The following FAM110B variants were observed in gnomAD, a reference collection of about 807,000 sequenced individuals.
FAM110B encodes family with sequence similarity 110 member B.
A neutral mutation model predicts 20.4 loss-of-function variants in FAM110B; 6 were observed. The observed-to-expected ratio is 0.29, with a 90% CI of 0.16 to 0.58. The LOEUF is 0.58. Among genes scored for constraint, FAM110B ranks in the 20% least tolerant of loss-of-function variants. The probability of loss-of-function intolerance (pLI) is 0.90; values close to 1 mark genes in which losing one functional copy is unlikely to be tolerated. For missense variants in FAM110B, 434 were observed against 498.2 expected, an observed-to-expected ratio of 0.87 and a Z score of 1.23; for synonymous variants, 226 against 214.1, an observed-to-expected ratio of 1.06 and a Z score of -0.49.
At chr8:58,000,131 G>A (rs755095148) in intron 1 of FAM110B, among the ~76,000 whole-genome samples, 1 of 152,172 alleles carries the variant, frequency 6.6e-6, no homozygotes, top group Non-Finnish European at 1.5e-5. Flanking sequence ...GGGCATTGAG[G>A]ATGGCCCATG....
At chr8:58,024,566 G>A (rs1448493963) in intron 1 of FAM110B, among the ~76,000 whole-genome samples, 2 of 152,170 alleles carry the variant, frequency 1.3e-5, no homozygotes, top group East Asian at 3.8e-4. Flanking sequence ...TGCCTAACTT[G>A]ATTTGTCCAA....
chr8:58,061,438 A>G (rs1208177280), intron 2 of FAM110B, among the ~76,000 whole-genome samples: 1 of 152,186 alleles, frequency 6.6e-6, no homozygotes, highest in South Asian at 2.1e-4. Context: ...ATCATATGCT[A>G]TCCCCTATAA....
At chr8:58,037,441 G>T (rs1374260188) in intron 2 of FAM110B, among the ~76,000 whole-genome samples, 1 of 150,290 alleles carries the variant, frequency 6.7e-6, no homozygotes, top group Non-Finnish European at 1.5e-5. Flanking sequence ...TTTGAGACCA[G>T]CTTGGCAACA....
intron 3 of FAM110B, among the ~76,000 whole-genome samples, chr8:58,087,755 A>C (rs1806374644): frequency 1.3e-5 from 2 of 152,196 alleles, no homozygotes; most frequent in African/African-American, 2.4e-5. Context: ...TCTATTTTGC[A>C]TACCAATGTT....
chr8:58,119,600 T>C (rs1807303571), intron 3 of FAM110B, among the ~76,000 whole-genome samples: 1 of 152,214 alleles, frequency 6.6e-6, no homozygotes, highest in Non-Finnish European at 1.5e-5. Context: ...GAAGATCTAA[T>C]ATTCCAAATA....
chr8:57,997,947 C>G (rs1804217434), intron 1 of FAM110B, among the ~76,000 whole-genome samples: 2 of 152,158 alleles, frequency 1.3e-5, no homozygotes, highest in Admixed American at 1.3e-4. Flanking sequence ...TAATATGTAG[C>G]AAGGTGTGTG....
intron 3 of FAM110B, among the ~76,000 whole-genome samples, chr8:58,090,185 A>T (rs1339991881): frequency 6.6e-6 from 1 of 152,120 alleles, no homozygotes; most frequent in Non-Finnish European, 1.5e-5. Context: ...GCGGAGACAA[A>T]GTCTCGCTGT....
intron 2 of FAM110B, among the ~76,000 whole-genome samples, chr8:58,033,663 A>C (rs1040491165): frequency 1.3e-5 from 2 of 152,236 alleles, no homozygotes; most frequent in African/African-American, 2.4e-5. Flanking sequence ...ACATGAAAAA[A>C]TACTCAATGT....
At chr8:58,008,379 C>T (rs1804458332) in intron 1 of FAM110B, among the ~76,000 whole-genome samples, 1 of 152,072 alleles carries the variant, frequency 6.6e-6, no homozygotes, top group South Asian at 2.1e-4. Context: ...GTGATCCACC[C>T]TCCTCGGCCT....
intron 3 of FAM110B, among the ~76,000 whole-genome samples, chr8:58,084,743 C>T (rs908788635): frequency 6.6e-6 from 1 of 151,754 alleles, no homozygotes; most frequent in African/African-American, 2.4e-5. Context: ...CCATGTACAC[C>T]TTAAACTCTC....
chr8:58,143,543 A>T (rs116095541), intron 3 of FAM110B, among the ~76,000 whole-genome samples: 2,460 of 152,316 alleles, frequency 0.016, 55 homozygotes, highest in African/African-American at 0.056. Context: ...AGGGGTGTGG[A>T]ACAATTGTGA....
intron 3 of FAM110B, chr8:58,100,777 A>G (rs1211052007): frequency 6.6e-6 from 1 of 152,226 alleles, no homozygotes; most frequent in African/African-American, 2.4e-5. Flanking sequence ...TTGCAAATGG[A>G]GAATGTTATA....
chr8:58,110,953 C>A (rs528231012), intron 3 of FAM110B, among the ~76,000 whole-genome samples: 12 of 152,244 alleles, frequency 7.9e-5, no homozygotes, highest in Admixed American at 1.3e-4. Context: ...ATAAAATCTT[C>A]TAAATGTTAT....
intron 1 of FAM110B, among the ~76,000 whole-genome samples, chr8:58,003,319 A>G (rs1014727278): frequency 3.3e-5 from 5 of 152,156 alleles, no homozygotes; most frequent in African/African-American, 1.2e-4. Context: ...GAACCTCTCA[A>G]AGTCATCTAT....
At chr8:58,051,035 C>T (rs763178364) in intron 2 of FAM110B, among the ~76,000 whole-genome samples, 1 of 152,122 alleles carries the variant, frequency 6.6e-6, no homozygotes, top group African/African-American at 2.4e-5. Context: ...ACAGCTCTGT[C>T]CTTGGCATGC....
chr8:58,087,092 A>G (rs1056033387), intron 3 of FAM110B, among the ~76,000 whole-genome samples: 5 of 152,254 alleles, frequency 3.3e-5, no homozygotes, highest in Non-Finnish European at 7.3e-5. Flanking sequence ...GGTGCTTCAC[A>G]GACTTCGGAG....
chr8:58,146,091 C>T lies in FAM110B; in HGVS notation c.-140C>T. On this transcript the variant is annotated 5_prime_UTR_variant, in exon 4 of 4. Coordinates refer to ENST00000519262, the MANE Select transcript of FAM110B (RefSeq NM_001377989.1). ...GGTTAATGAGCTGTGAGATGAGGCGCTGCTGCGGCCGCTGCTGCTGACACT... is the reference window on the plus strand; with the variant it reads ...GGTTAATGAGCTGTGAGATGAGGCGTTGCTGCGGCCGCTGCTGCTGACACT... 4 of 968,226 alleles carry T rather than the reference C, an allele frequency of 4.1e-6. No homozygotes were observed. The highest frequency in any genetic ancestry group is 6.0e-6 in the Non-Finnish European group (4 of 665,688). 60.0% of individuals were successfully genotyped at this position (968,226 alleles called of 1,614,324 possible). A position where few individuals can be genotyped will look rare whatever the true frequency, so the allele number is the denominator to read the frequency against.
At chr8:58,102,098 C>G (rs1310659118) in intron 3 of FAM110B, among the ~76,000 whole-genome samples, 1 of 152,186 alleles carries the variant, frequency 6.6e-6, no homozygotes, top group African/African-American at 2.4e-5. Context: ...ACAATGATAA[C>G]TTATTCGCCA....
intron 2 of FAM110B, among the ~76,000 whole-genome samples, chr8:58,061,138 A>G (rs1025734776): frequency 2.0e-5 from 3 of 152,208 alleles, no homozygotes; most frequent in African/African-American, 4.8e-5. Context: ...TTCAACGACT[A>G]TAGAAATAAA....
Sources: allele counts gnomAD v4.1 joint callset (sites outside exome capture counted in the v4.1 genomes callset), GRCh38; gene constraint gnomAD v4.1.1; transcripts MANE v1.5; gene names NCBI Gene and HGNC (gene_info 2026-07-23, HGNC 2026-07-21).